The following EHBP1 variants were observed in gnomAD, a reference collection of about 807,000 sequenced individuals.
EHBP1 encodes the protein EH domain-binding protein 1.
Under a neutral mutation model 144.0 loss-of-function variants are expected in EHBP1, and 55 were observed. That is an observed-to-expected ratio of 0.38 (90% confidence interval 0.31 to 0.48). EHBP1 has a LOEUF of 0.48. EHBP1 is among the 20% of genes least tolerant of loss of function. The pLI is 0.98. For synonymous variants in EHBP1, 469 were observed against 472.7 expected (o/e 0.99, Z 0.10); for missense variants, 1,200 against 1,364.2 (o/e 0.88, Z 1.90).
chr2:62,699,746 C>T (rs1235462390), intron 1 of EHBP1, among the ~76,000 whole-genome samples: 1 of 152,178 alleles, frequency 6.6e-6, no homozygotes, highest in Non-Finnish European at 1.5e-5. Flanking sequence ...TTGTTGCCTG[C>T]AATATAAAGA....
chr2:63,045,327 C>A lies in EHBP1; in HGVS notation c.3393-83C>A. The A allele has an allele frequency of 6.9e-7, 1 of 1,443,024 alleles. No individual in the cohort carries two copies. The highest frequency in any genetic ancestry group is 9.6e-7 in the Non-Finnish European group (1 of 1,036,418). 89.4% of individuals were successfully genotyped at this position (1,443,024 alleles called of 1,614,324 possible). A position where few individuals can be genotyped will look rare whatever the true frequency, so the allele number is the denominator to read the frequency against. On this transcript the variant is annotated intron_variant, in intron 22 of 22. Coordinates refer to ENST00000431489, the MANE Select transcript of EHBP1 (RefSeq NM_001142616.3). The surrounding 1 kb of genome is among the most constrained non-coding windows in gnomAD (Gnocchi z 5.7). ...CCCATTCCCGCTGGGGATCCAAATA[C>A]TGGGCGACGGGGGAGTGCTGCTCTG...
chr2:62,974,396 T>C (rs960163294), intron 14 of EHBP1, among the ~76,000 whole-genome samples: 4 of 152,204 alleles, frequency 2.6e-5, no homozygotes, highest in Non-Finnish European at 5.9e-5. Context: ...ATGTGTATTA[T>C]AGAAAATTAG....
intron 2 of EHBP1, among the ~76,000 whole-genome samples, chr2:62,710,826 C>T (rs903985569): frequency 1.3e-5 from 2 of 152,126 alleles, no homozygotes; most frequent in Non-Finnish European, 2.9e-5. Flanking sequence ...CATGCACTTT[C>T]AGTGTTAAGT....
intron 10 of EHBP1, among the ~76,000 whole-genome samples, chr2:62,929,907 C>T (rs765142253): frequency 6.6e-6 from 1 of 151,844 alleles, no homozygotes; most frequent in Non-Finnish European, 1.5e-5. Context: ...TTTCTATATA[C>T]CAACAATGAG....
rs1015883807 is a variant in EHBP1, at chr2:62,844,248, G to A, written c.634+13090G>A. ...TGCTAGGAGGTGAAAGTAAATCCATGGTATCTGTACTTGCACTGATCAAAA... is the reference window on the plus strand; with the variant it reads ...TGCTAGGAGGTGAAAGTAAATCCATAGTATCTGTACTTGCACTGATCAAAA... On this transcript the variant is annotated intron_variant, in intron 7 of 22. Coordinates refer to ENST00000431489, the MANE Select transcript of EHBP1 (RefSeq NM_001142616.3). 1.5e-3 allele frequency among the ~76,000 whole-genome samples: 229 copies of A among 152,200 alleles called. 1 individual carries two copies. The highest frequency in any genetic ancestry group is 5.4e-3 in the African/African-American group (226 of 41,540).
intron 19 of EHBP1, among the ~76,000 whole-genome samples, chr2:63,029,288 C>T (rs1042855029): frequency 3.3e-5 from 5 of 151,892 alleles, no homozygotes; most frequent in South Asian, 2.1e-4. Flanking sequence ...TACTGATTCA[C>T]CCACATTTTT....
intron 2 of EHBP1, among the ~76,000 whole-genome samples, chr2:62,720,045 G>A (rs2036069599): frequency 6.6e-6 from 1 of 152,176 alleles, no homozygotes; most frequent in African/African-American, 2.4e-5. Flanking sequence ...CAGGAAACTA[G>A]GGAGGCAGTG....
chr2:62,982,443 A>G (rs2059012416), intron 15 of EHBP1, among the ~76,000 whole-genome samples: 1 of 152,222 alleles, frequency 6.6e-6, no homozygotes, highest in Non-Finnish European at 1.5e-5. Flanking sequence ...CTTGCATAGC[A>G]AATTCAAAAT....
At chr2:62,673,882 T>C (rs1306130028) in exon 1 of EHBP1, 1 of 380,448 alleles carries the variant, frequency 2.6e-6, no homozygotes, top group East Asian at 7.3e-5. Flanking sequence ...GTGGGTAACA[T>C]CTGACTCTCC....
At chr2:62,839,728 C>A (rs1280640396) in intron 7 of EHBP1, among the ~76,000 whole-genome samples, 3 of 152,152 alleles carry the variant, frequency 2.0e-5, no homozygotes, top group African/African-American at 7.2e-5. Flanking sequence ...TGAGTCAACT[C>A]CCATTCACAA....
intron 5 of EHBP1, among the ~76,000 whole-genome samples, chr2:62,775,207 T>G (rs535404703): frequency 2.3e-4 from 35 of 152,328 alleles, no homozygotes; most frequent in African/African-American, 8.2e-4. Flanking sequence ...GGGAAAGTTT[T>G]AAAATAACCT....
chr2:62,996,258 C>T (rs772106985), intron 18 of EHBP1, among the ~76,000 whole-genome samples: 48 of 152,066 alleles, frequency 3.2e-4, no homozygotes, highest in Non-Finnish European at 6.3e-4. Context: ...GTGTATTACA[C>T]TTTTGAGTTA....
intron 8 of EHBP1, 65 bp downstream of exon 8, chr2:62,859,356 G>A: frequency 6.9e-7 from 1 of 1,453,396 alleles, no homozygotes; most frequent in Non-Finnish European, 9.3e-7. Context: ...TGTAAGGGCA[G>A]GAAAATATTT....
intron 16 of EHBP1, among the ~76,000 whole-genome samples, chr2:62,991,427 T>G (rs1487476409): frequency 1.3e-5 from 2 of 152,120 alleles, no homozygotes; most frequent in African/African-American, 2.4e-5. Flanking sequence ...TATGTATATT[T>G]TGCTAAGACA....
At chr2:62,900,684 G>GTATATA (rs147278087) in intron 10 of EHBP1, among the ~76,000 whole-genome samples, 1 of 141,484 alleles carries the variant, frequency 7.1e-6, no homozygotes, top group Non-Finnish European at 1.5e-5. Context: ...GTGTGTATGT[G>GTATATA]TATATATATA....
chr2:62,724,120 G>A (rs1203728515), intron 2 of EHBP1, among the ~76,000 whole-genome samples: 5 of 152,182 alleles, frequency 3.3e-5, no homozygotes, highest in Non-Finnish European at 7.3e-5. Context: ...GTGAGTCATA[G>A]ATTTGGTCTC....
At chr2:62,834,146 G>T (rs1304830304) in intron 7 of EHBP1, among the ~76,000 whole-genome samples, 2 of 152,216 alleles carry the variant, frequency 1.3e-5, no homozygotes, top group African/African-American at 4.8e-5. Context: ...TCTTGACATG[G>T]AACCTACTTC....
At chr2:62,999,757 T>C (rs1204261753) in intron 19 of EHBP1, among the ~76,000 whole-genome samples, 3 of 152,220 alleles carry the variant, frequency 2.0e-5, no homozygotes, top group African/African-American at 7.2e-5. Context: ...TTTCCACTTT[T>C]AGCTACTATG....
At chr2:62,840,932 T>C (rs1166585018) in intron 7 of EHBP1, among the ~76,000 whole-genome samples, 66 of 152,138 alleles carry the variant, frequency 4.3e-4, no homozygotes, top group Middle Eastern at 3.4e-3. Flanking sequence ...GTCAGTGTGG[T>C]GATTCCTCAG....
Sources: gnomAD v4.1 joint callset for allele counts (sites outside exome capture counted in the v4.1 genomes callset) on GRCh38, gnomAD v4.1.1 for gene constraint, Gnocchi (gnomAD v3.1) non-coding constraint, MANE v1.5 for transcripts, NCBI Gene and HGNC (gene_info 2026-07-23, HGNC 2026-07-21) for gene names.